The following MCHR2 variants were observed in gnomAD, a reference collection of about 807,000 sequenced individuals.
MCHR2 encodes melanin-concentrating hormone receptor 2.
In MCHR2, 15 loss-of-function variants were observed where a neutral mutation model predicts 24.8. That is an observed-to-expected ratio of 0.60 (90% confidence interval 0.40 to 0.93). The LOEUF (loss-of-function observed/expected upper bound fraction) is 0.93, where lower values mean the gene tolerates loss of function less well. Ranked by LOEUF, MCHR2 falls within the 40% of genes least tolerant of loss-of-function variation. The pLI is 0.00. For missense variants in MCHR2, 386 were observed against 408.7 expected (o/e 0.94, Z 0.48); for synonymous variants, 151 against 147.6 (o/e 1.02, Z -0.17).
intron 1 of MCHR2, among the ~76,000 whole-genome samples, chr6:99,993,275 C>T (rs1775920231): frequency 1.3e-5 from 2 of 152,190 alleles, no homozygotes; most frequent in Admixed American, 6.5e-5. Flanking sequence ...TACCACCTGC[C>T]TACTTTCCCC....
intron 2 of MCHR2, among the ~76,000 whole-genome samples, chr6:99,955,253 C>T (rs1161964298): frequency 6.6e-6 from 1 of 152,132 alleles, no homozygotes; most frequent in Admixed American, 6.6e-5. Context: ...TCCATTTTGT[C>T]AAGTCCCTAG....
At chr6:99,948,158 C>T (rs557908119) in intron 2 of MCHR2, among the ~76,000 whole-genome samples, 187 bp from the exon 3 acceptor site, 1 of 152,122 alleles carries the variant, frequency 6.6e-6, no homozygotes, top group African/African-American at 2.4e-5. Context: ...TATTTGATAA[C>T]TTACTGTGGT....
chr6:99,925,607 A>G (rs1178606999), intron 5 of MCHR2, among the ~76,000 whole-genome samples: 2 of 151,906 alleles, frequency 1.3e-5, no homozygotes, highest in Non-Finnish European at 2.9e-5. Flanking sequence ...TACAAATACT[A>G]TCTTATAAGG....
rs142885410 is a variant in MCHR2 at position 99,930,682 on chromosome 6, A to G, written c.707+3716T>C. Reference sequence around the variant, plus strand: ...ACGTAGTTTTTGAGCCTTGGCTCTCAGCTCCATCAGCTCCTTTAAGCACTT... The same window carrying G: ...ACGTAGTTTTTGAGCCTTGGCTCTCGGCTCCATCAGCTCCTTTAAGCACTT... On this transcript the variant is annotated intron_variant, in intron 5 of 5. Transcript: ENST00000281806. 8.2e-3 allele frequency among the ~76,000 whole-genome samples: 1,255 copies of G among 152,278 alleles called. 17 individuals carry two copies. Among genetic ancestry groups the G allele is most frequent in the African/African-American group, 0.029 (1,211 of 41,564 alleles).
At chr6:99,979,159 A>T (rs749783463) in intron 1 of MCHR2, among the ~76,000 whole-genome samples, 3 of 152,186 alleles carry the variant, frequency 2.0e-5, no homozygotes, top group Admixed American at 1.3e-4. Context: ...TAATAAAATC[A>T]GCACATTATG....
At chr6:99,936,669 C>T (rs1045877401) in intron 4 of MCHR2, among the ~76,000 whole-genome samples, 46 of 151,952 alleles carry the variant, frequency 3.0e-4, no homozygotes, top group African/African-American at 9.2e-4. Flanking sequence ...TTTAGCTATT[C>T]AGGGTCTTTT....
Position 99,968,139 on chromosome 6 carries a change from G to C in MCHR2, c.-27-11965C>G, listed in dbSNP as rs1453640490. Among the ~76,000 whole-genome samples the C allele has an allele frequency of 1.6e-4, 24 of 152,120 alleles. 1 individual carries two copies. Among genetic ancestry groups the C allele is most frequent in the Admixed American group, 1.6e-3 (24 of 15,264 alleles). ...TCATCATGATCATCATTATGCACTA[G>C]ATTTAGTTTACTGGGGGTATGGAAC... On this transcript the variant is annotated intron_variant, in intron 1 of 5. Transcript: ENST00000281806.
chr6:99,918,760 G>A lies in MCHR2; in HGVS notation c.*2180C>T, dbSNP rs1032309804. ...TATAAATATGCTTATGCATAGAAAC[G>A]CTATATAAAGGGACAAAAATAAATT... On this transcript the variant is annotated 3_prime_UTR_variant, in exon 6 of 6. Coordinates refer to ENST00000281806, the MANE Select transcript of MCHR2 (RefSeq NM_001040179.2). Among the ~76,000 whole-genome samples, 1 of 151,948 alleles carries A rather than the reference G, an allele frequency of 6.6e-6. No individual in the cohort carries two copies. Among genetic ancestry groups the A allele is most frequent in the Admixed American group, 6.6e-5 (1 of 15,246 alleles).
Position 99,920,706 on chromosome 6 carries a change from G to A in MCHR2, c.*234C>T, listed in dbSNP as rs1217451326. The A allele has an allele frequency of 6.0e-6, 3 of 498,490 alleles. No individual in the cohort carries two copies. Among genetic ancestry groups the A allele is most frequent in the African/African-American group, 1.9e-5 (1 of 52,188 alleles). 30.9% of individuals were successfully genotyped at this position (498,490 alleles called of 1,614,324 possible). ...AATAATATACACCATCATGAAGCCT[G>A]GGTATCTCAGACTATCCCATTCCCT... On this transcript the variant is annotated 3_prime_UTR_variant, in exon 6 of 6. Coordinates refer to ENST00000281806, the MANE Select transcript of MCHR2 (RefSeq NM_001040179.2).
intron 4 of MCHR2, among the ~76,000 whole-genome samples, chr6:99,938,404 C>T (rs1028090824): frequency 1.3e-5 from 2 of 152,030 alleles, no homozygotes; most frequent in Admixed American, 6.6e-5. Flanking sequence ...TTTCAACTTT[C>T]GTTTGTTTCA....
At chr6:99,953,452 G>A (rs992513637) in intron 2 of MCHR2, among the ~76,000 whole-genome samples, 7 of 151,892 alleles carry the variant, frequency 4.6e-5, no homozygotes, top group East Asian at 1.9e-4. Flanking sequence ...AAATGGGAGT[G>A]AGCTAGAAAC....
At chr6:99,927,213 G>C (rs1163976950) in intron 5 of MCHR2, among the ~76,000 whole-genome samples, 1 of 152,186 alleles carries the variant, frequency 6.6e-6, no homozygotes, top group African/African-American at 2.4e-5. Flanking sequence ...TTTGGTACCA[G>C]TACCATGCTG....
At chr6:99,947,297 A>G (rs1774888918) in intron 3 of MCHR2, among the ~76,000 whole-genome samples, 1 of 152,204 alleles carries the variant, frequency 6.6e-6, no homozygotes, top group Admixed American at 6.5e-5. Flanking sequence ...CTATGAGGCA[A>G]TAACAAGTGT....
intron 1 of MCHR2, among the ~76,000 whole-genome samples, chr6:99,986,067 T>C (rs889462846): frequency 2.6e-5 from 4 of 151,910 alleles, no homozygotes; most frequent in Admixed American, 6.6e-5. Flanking sequence ...AAAAAACATA[T>C]GAAAAATGCT....
chr6:99,979,670 A>G (rs1219037638), intron 1 of MCHR2, among the ~76,000 whole-genome samples: 1 of 152,224 alleles, frequency 6.6e-6, no homozygotes, highest in Non-Finnish European at 1.5e-5. Flanking sequence ...TTAAGATTAC[A>G]TATGTGATTT....
At chr6:99,935,018 C>T (rs945959784) in intron 4 of MCHR2, among the ~76,000 whole-genome samples, 1 of 151,878 alleles carries the variant, frequency 6.6e-6, no homozygotes, top group Admixed American at 6.6e-5. Flanking sequence ...CCAGGATAGC[C>T]AATGATGGTG....
At chr6:99,930,108 G>T (rs1582371571) in intron 5 of MCHR2, among the ~76,000 whole-genome samples, 1 of 151,834 alleles carries the variant, frequency 6.6e-6, no homozygotes. Context: ...AGCTTAGTTT[G>T]GCTGGATATG....
At chr6:99,968,831 G>A (rs1775341235) in intron 1 of MCHR2, among the ~76,000 whole-genome samples, 1 of 151,716 alleles carries the variant, frequency 6.6e-6, no homozygotes, top group Non-Finnish European at 1.5e-5. Flanking sequence ...ACAGCAAAAT[G>A]TTCTCCAAAC....
chr6:99,991,926 GTTC>G (rs1334566933), intron 1 of MCHR2, among the ~76,000 whole-genome samples: 24 of 152,250 alleles, frequency 1.6e-4, no homozygotes, highest in African/African-American at 5.5e-4. Context: ...CATGAAGAAG[GTTC>G]TTCTTCTCAT....
Sources: gnomAD v4.1 joint callset for allele counts (sites outside exome capture counted in the v4.1 genomes callset) on GRCh38, gnomAD v4.1.1 for gene constraint, MANE v1.5 for transcripts, NCBI Gene and HGNC (gene_info 2026-07-23, HGNC 2026-07-21) for gene names.